Variants in EXD1 observed in about 807,000 individuals in gnomAD.
EXD1 encodes the protein piRNA biogenesis protein EXD1.
EXD1 carries 63 observed loss-of-function variants against 49.1 expected under a neutral mutation model. The observed-to-expected ratio is 1.28, with a 90% confidence interval of 1.05 to 1.58. EXD1 has a LOEUF of 1.58. EXD1 is among the 40% of genes most tolerant of loss of function. The pLI, the probability that EXD1 is intolerant of heterozygous loss-of-function variation, is 0.00. For synonymous variants in EXD1, 234 were observed against 239.2 expected, an observed-to-expected ratio of 0.98 and a Z score of 0.20; for missense variants, 748 against 666.0, an observed-to-expected ratio of 1.12 and a Z score of -1.36.
In EXD1 at chr15:41,190,267, C is replaced by T. The variant is rs193152452; in HGVS notation, c.865-139G>A. On this transcript the variant is annotated intron_variant, in intron 10 of 11. Transcript: ENST00000458580. Reference sequence around the variant, plus strand: ...AGGCAGGCGGATCACAAGGTCAAGACATCAAGACCATCCTGGCCAACAAGG... The same window carrying T: ...AGGCAGGCGGATCACAAGGTCAAGATATCAAGACCATCCTGGCCAACAAGG... The T allele has an allele frequency of 4.4e-3, 3,570 of 805,096 alleles. 28 individuals carry two copies. Among genetic ancestry groups the T allele is most frequent in the South Asian group, 0.017 (1,189 of 68,044 alleles). 49.9% of individuals were successfully genotyped at this position (805,096 alleles called of 1,614,324 possible). A position where few individuals can be genotyped will look rare whatever the true frequency, so the allele number is the denominator to read the frequency against.
intron 11 of EXD1, among the ~76,000 whole-genome samples, chr15:41,189,736 C>A (rs1432312951): frequency 1.7e-5 from 2 of 116,746 alleles, no homozygotes; most frequent in East Asian, 4.7e-4. Context: ...CATTCTTAGA[C>A]AGAAGTATTT....
chr15:41,212,103 C>G (rs936357711), intron 6 of EXD1, among the ~76,000 whole-genome samples: 5 of 152,056 alleles, frequency 3.3e-5, no homozygotes, highest in Admixed American at 3.3e-4. Context: ...CCACTTCATA[C>G]CCACTAGGAT....
chr15:41,229,029 G>A (rs1378819190), intron 1 of EXD1, among the ~76,000 whole-genome samples: 1 of 152,138 alleles, frequency 6.6e-6, no homozygotes, highest in Non-Finnish European at 1.5e-5. Flanking sequence ...ACTGAGAAAA[G>A]GGACATTCAT....
At chr15:41,210,601 G>T (rs1411752780) in intron 6 of EXD1, among the ~76,000 whole-genome samples, 1 of 151,790 alleles carries the variant, frequency 6.6e-6, no homozygotes, top group African/African-American at 2.4e-5. Context: ...AAAGTGGGAG[G>T]ATCACTTGAG....
At chr15:41,224,100 C>T (rs8034225) in intron 2 of EXD1, among the ~76,000 whole-genome samples, 12 of 151,922 alleles carry the variant, frequency 7.9e-5, no homozygotes, top group African/African-American at 2.4e-4. Flanking sequence ...CCACCATGCC[C>T]GGCTAATTTT....
chr15:41,215,685 C>CA (rs113812559), intron 6 of EXD1, 90 bp downstream of exon 6: 182,595 of 1,060,756 alleles, frequency 0.17, 2,830 homozygotes, highest in South Asian at 0.29. Context: ...GACTCCGTCT[C>CA]AAAAAAAAAA....
intron 6 of EXD1, 32 bp from the exon 7 acceptor site, chr15:41,209,619 T>C: frequency 6.3e-7 from 1 of 1,587,250 alleles, no homozygotes; most frequent in Non-Finnish European, 8.6e-7. Context: ...GGAAAAACTT[T>C]CAGGGAATAA....
At chr15:41,190,575 A>G (rs2046497655) in intron 10 of EXD1, among the ~76,000 whole-genome samples, 1 of 152,206 alleles carries the variant, frequency 6.6e-6, no homozygotes, top group Non-Finnish European at 1.5e-5. Context: ...CTATTTTCAC[A>G]CTATTGATAG....
At chr15:41,199,457 C>T (rs942269459) in intron 7 of EXD1, among the ~76,000 whole-genome samples, 5 of 149,654 alleles carry the variant, frequency 3.3e-5, no homozygotes, top group South Asian at 2.1e-4. Flanking sequence ...AAATTCACAG[C>T]ACCTCTGGAT....
At chr15:41,216,591 A>G in intron 5 of EXD1, 77 bp downstream of exon 5, 2 of 1,448,320 alleles carry the variant, frequency 1.4e-6, no homozygotes, top group South Asian at 1.3e-5. Context: ...AGATCACGCC[A>G]TTGCACTGCA....
At chr15:41,192,476 T>A (rs2046536266) in intron 9 of EXD1, among the ~76,000 whole-genome samples, 1 of 151,896 alleles carries the variant, frequency 6.6e-6, no homozygotes, top group Admixed American at 6.6e-5. Flanking sequence ...TTCATATTGT[T>A]AGTGCAGACA....
At chr15:41,208,557 A>G (rs924805851) in intron 7 of EXD1, among the ~76,000 whole-genome samples, 13 of 151,934 alleles carry the variant, frequency 8.6e-5, no homozygotes, top group African/African-American at 3.1e-4. Flanking sequence ...GTTTGTGACC[A>G]GCCTGGCCAA....
At chr15:41,219,766 G>T in intron 3 of EXD1, 64 bp downstream of exon 3, 1 of 1,334,064 alleles carries the variant, frequency 7.5e-7, no homozygotes, top group Non-Finnish European at 1.0e-6. Flanking sequence ...ATTAAGACAA[G>T]ACAATTTCAA....
At chr15:41,208,975 T>C (rs1200704969) in intron 7 of EXD1, among the ~76,000 whole-genome samples, 2 of 141,674 alleles carry the variant, frequency 1.4e-5, no homozygotes, top group Non-Finnish European at 3.0e-5. Flanking sequence ...AACCTATTCT[T>C]GCTACTGAGC....
chr15:41,213,869 C>T (rs1050854955), intron 6 of EXD1, among the ~76,000 whole-genome samples: 26 of 152,238 alleles, frequency 1.7e-4, no homozygotes, highest in Non-Finnish European at 1.9e-4. Context: ...TACATTTTAA[C>T]TAAATAAATT....
chr15:41,189,425 AG>A (rs1437430451), intron 11 of EXD1, among the ~76,000 whole-genome samples: 1 of 151,268 alleles, frequency 6.6e-6, no homozygotes, highest in Non-Finnish European at 1.5e-5. Context: ...GCACTTTGGG[AG>A]GCCAAGGTGG....
chr15:41,230,676 G>A lies in EXD1; in HGVS notation c.-251C>T. ...GGCGGCGGTTATCAAATCACAGGCT[G>A]AAAACCTGGAGAAAGGTCCGCGACG... is the stretch of plus-strand genomic sequence containing the variant. On this transcript the variant is annotated 5_prime_UTR_variant, in exon 1 of 12. Coordinates refer to ENST00000458580, the MANE Select transcript of EXD1 (RefSeq NM_001286441.2). The A allele has an allele frequency of 2.0e-6, 2 of 982,352 alleles. No homozygotes were observed. Among genetic ancestry groups the A allele is most frequent in the Non-Finnish European group, 3.0e-6 (2 of 665,690 alleles). The allele number at this position is 982,352 out of a possible 1,614,324, so 60.9% of individuals were successfully genotyped here. A position where few individuals can be genotyped will look rare whatever the true frequency, so the allele number is the denominator to read the frequency against.
intron 1 of EXD1, among the ~76,000 whole-genome samples, chr15:41,230,209 G>T (rs1235805440): frequency 6.8e-6 from 1 of 147,988 alleles, no homozygotes; most frequent in African/African-American, 2.5e-5. Context: ...TCAGCCTCCC[G>T]AGTAGCTGGG....
chr15:41,204,652 G>A (rs1164468905), intron 7 of EXD1, among the ~76,000 whole-genome samples: 1 of 151,868 alleles, frequency 6.6e-6, no homozygotes, highest in Admixed American at 6.6e-5. Flanking sequence ...GATCTCTTGA[G>A]CCCGGGAGTT....
Sources: gnomAD v4.1 joint callset for allele counts (sites outside exome capture counted in the v4.1 genomes callset) on GRCh38, gnomAD v4.1.1 for gene constraint, MANE v1.5 for transcripts, NCBI Gene and HGNC (gene_info 2026-07-23, HGNC 2026-07-21) for gene names.